The following LCOR variants were observed in gnomAD, a reference collection of about 807,000 sequenced individuals.
The protein encoded by LCOR is ligand-dependent corepressor.
In LCOR, 14 loss-of-function variants were observed where a neutral mutation model predicts 64.4. The observed-to-expected ratio is 0.22, with a 90% CI of 0.14 to 0.34. The LOEUF is 0.34. Among genes scored for constraint, LCOR ranks in the 10% least tolerant of loss-of-function variants. The pLI is 1.00. For synonymous variants in LCOR, 643 were observed against 642.5 expected, an observed-to-expected ratio of 1.00 and a Z score of -0.01; for missense variants, 1,686 against 1,765.3, an observed-to-expected ratio of 0.96 and a Z score of 0.80.
chr10:96,837,335 C>A (rs755376832), intron 2 of LCOR, among the ~76,000 whole-genome samples: 5 of 152,066 alleles, frequency 3.3e-5, no homozygotes, highest in Non-Finnish European at 7.4e-5. Flanking sequence ...TGGCTCACTG[C>A]AACCTCCACC....
rs772913286 is a variant in LCOR, at chr10:96,983,680, A to C, written c.3220A>C (p.Asn1074His). 5.0e-6 allele frequency: 8 copies of C among 1,614,002 alleles called. No homozygotes were observed. Among genetic ancestry groups the C allele is most frequent in the Non-Finnish European group, 6.8e-6 (8 of 1,180,028 alleles). The stretch of plus-strand genomic sequence containing the variant: ...AGTAAACCCCATAATGCCAAAGGAA[A>C]ATGGAGCTTCAGAGAGTGGAGACCC... ...AQVNPIMPKENGASESGDPLD... is the reference protein window; with the variant it reads ...AQVNPIMPKEHGASESGDPLD... Residue 1074 changes from asparagine to histidine, a missense_variant, in exon 8 of 8, where the codon AAT becomes CAT. Transcript: ENST00000421806. This position sits in a 1 kb window ranked among gnomAD's most constrained non-coding sequence, Gnocchi z 4.5.
At position 96,982,020 on chromosome 10, in the gene LCOR, C is replaced by G. The variant is rs1469503865; in HGVS notation, c.1560C>G (p.Ala520=). 1.2e-6 allele frequency: 2 copies of G among 1,613,986 alleles called. No individual in the cohort carries two copies. Among genetic ancestry groups the G allele is most frequent in the Non-Finnish European group, 1.7e-6 (2 of 1,180,022 alleles). ...CCELPTVRTL[A]RNLHSQEKAS... ...AGCTGCCAACTGTTCGTACACTGGC[C>G]AGAAATTTACACTCCCAGGAAAAAG... The change falls in exon 8 of 8, where the codon GCC becomes GCG. Residue 520 remains alanine (A), a synonymous_variant. Transcript: ENST00000421806.
chr10:96,833,263 C>G, intron 1 of LCOR, 143 bp from the exon 2 acceptor site: 1 of 957,478 alleles, frequency 1.0e-6, no homozygotes, highest in Non-Finnish European at 1.2e-6. Flanking sequence ...CCGTCCGCCC[C>G]CCGCCTCCCG....
chr10:96,840,876 G>A (rs1464382146), intron 2 of LCOR, among the ~76,000 whole-genome samples: 1 of 152,204 alleles, frequency 6.6e-6, no homozygotes, highest in Non-Finnish European at 1.5e-5. Flanking sequence ...GGTGGCTCAC[G>A]CCTGTAATTC....
At chr10:96,963,935 C>G (rs1244896270) in intron 7 of LCOR, 1 of 152,168 alleles carries the variant, frequency 6.6e-6, no homozygotes, top group African/African-American at 2.4e-5. Flanking sequence ...CAGGAACCCC[C>G]TTTACTCTTA....
chr10:96,958,026 T>C (rs753725677), intron 7 of LCOR: 25 of 1,010,056 alleles, frequency 2.5e-5, no homozygotes, highest in Non-Finnish European at 2.8e-5. Context: ...TCATAGAAAG[T>C]TTGCTGAAAG....
chr10:96,899,899 G>C (rs891591891), intron 2 of LCOR, among the ~76,000 whole-genome samples: 2 of 152,094 alleles, frequency 1.3e-5, no homozygotes, highest in Non-Finnish European at 2.9e-5. Context: ...CAGGCATAGA[G>C]TACCTGTTTT....
At chr10:96,968,957 G>A (rs987509798) in intron 7 of LCOR, among the ~76,000 whole-genome samples, 2 of 151,850 alleles carry the variant, frequency 1.3e-5, no homozygotes, top group African/African-American at 4.8e-5. Flanking sequence ...AAAATTCAGC[G>A]TTTTCACTTG....
chr10:96,903,290 G>C (rs1475240138), intron 2 of LCOR, among the ~76,000 whole-genome samples: 1 of 152,126 alleles, frequency 6.6e-6, no homozygotes, highest in Admixed American at 6.6e-5. Context: ...AGTAATTGCA[G>C]TCCAACATTA....
intron 4 of LCOR, among the ~76,000 whole-genome samples, chr10:96,938,935 C>T (rs988464439): frequency 6.6e-6 from 1 of 152,184 alleles, no homozygotes; most frequent in African/African-American, 2.4e-5. Context: ...TATTACTTCC[C>T]AAATTGATAC....
intron 4 of LCOR, among the ~76,000 whole-genome samples, chr10:96,932,826 A>G (rs983037040): frequency 1.1e-4 from 17 of 152,236 alleles, no homozygotes; most frequent in Admixed American, 3.3e-4. Flanking sequence ...TACCCCGAAC[A>G]CTGCAAGTGG....
chr10:96,836,674 G>A (rs990505199), intron 2 of LCOR, among the ~76,000 whole-genome samples: 4 of 152,298 alleles, frequency 2.6e-5, no homozygotes, highest in East Asian at 1.9e-4. Context: ...GTTGATGGAC[G>A]ATTTCGTGAA....
intron 4 of LCOR, among the ~76,000 whole-genome samples, chr10:96,942,268 C>T (rs1384058745): frequency 1.3e-5 from 2 of 151,940 alleles, no homozygotes; most frequent in Non-Finnish European, 2.9e-5. Context: ...AGCAAAACCC[C>T]GTCTCCACCA....
At position 96,981,183 on chromosome 10, in the gene LCOR, T is replaced by C. The variant is rs924999442; in HGVS notation, c.723T>C (p.Thr241=). 3.0e-5 allele frequency: 22 copies of C among 726,168 alleles called. No individual in the cohort carries two copies. Among genetic ancestry groups the C allele is most frequent in the Non-Finnish European group, 5.2e-5 (21 of 406,206 alleles). 45.0% of individuals were successfully genotyped at this position (726,168 alleles called of 1,614,324 possible). The change falls in exon 8 of 8, where the codon ACT becomes ACC. Residue 241 remains threonine (T), a synonymous_variant. Transcript: ENST00000421806. The part of the protein sequence containing the change: ...NPVDGRENAL[T]VVQKDSSELP... Reference sequence around the variant, plus strand: ...TAGATGGAAGAGAGAATGCCTTGACTGTTGTCCAGAAAGATTCCTCTGAAC... The same window carrying C: ...TAGATGGAAGAGAGAATGCCTTGACCGTTGTCCAGAAAGATTCCTCTGAAC...
chr10:96,833,725 C>G (rs1845389997), intron 2 of LCOR, among the ~76,000 whole-genome samples: 1 of 152,242 alleles, frequency 6.6e-6, no homozygotes, highest in African/African-American at 2.4e-5. Flanking sequence ...CCGGCAGAAT[C>G]TAGGAGAGTC....
chr10:96,920,345 AT>A (rs1265413889), intron 4 of LCOR, among the ~76,000 whole-genome samples: 1 of 149,196 alleles, frequency 6.7e-6, no homozygotes, highest in African/African-American at 2.5e-5. Context: ...CCATTTTTGA[AT>A]TCGGTTGTTT....
intron 2 of LCOR, among the ~76,000 whole-genome samples, chr10:96,893,137 A>G (rs988304879): frequency 1.3e-5 from 2 of 152,134 alleles, no homozygotes; most frequent in African/African-American, 2.4e-5. Context: ...CATTTGTAGC[A>G]GTCTATTTTG....
At position 96,920,749 on chromosome 10, in the gene LCOR, T is replaced by TAC. The variant is rs1554837290; in HGVS notation, c.-184+13003_-184+13004insCA. 6.5e-3 allele frequency among the ~76,000 whole-genome samples: 525 copies of TAC among 80,398 alleles called. 6 individuals carry two copies. The highest frequency in any genetic ancestry group is 9.4e-3 in the Non-Finnish European group (413 of 44,146). The allele number at this position is 80,398 out of a possible 152,430, so 52.7% of individuals were successfully genotyped here. ...ATGTTCATATATATGTGTATATATGTATACACACACACACACACACACACA... is the reference window on the plus strand; with the variant it reads ...ATGTTCATATATATGTGTATATATGTACATACACACACACACACACACACACA... On this transcript the variant is annotated intron_variant, in intron 4 of 7. Transcript: ENST00000421806.
At chr10:96,900,612 A>G (rs1243312672) in intron 2 of LCOR, among the ~76,000 whole-genome samples, 3 of 152,118 alleles carry the variant, frequency 2.0e-5, no homozygotes, top group Non-Finnish European at 2.9e-5. Flanking sequence ...AACATATTAG[A>G]GATCAAAAGA....
Sources: gnomAD v4.1 joint callset for allele counts (sites outside exome capture counted in the v4.1 genomes callset) on GRCh38, gnomAD v4.1.1 for gene constraint, Gnocchi (gnomAD v3.1) non-coding constraint, MANE v1.5 for transcripts, NCBI Gene and HGNC (gene_info 2026-07-23, HGNC 2026-07-21) for gene names.